The following JPH3 variants were observed in gnomAD, a reference collection of about 807,000 sequenced individuals.
JPH3 encodes junctophilin 3.
A neutral mutation model predicts 59.6 loss-of-function variants in JPH3; 11 were observed. That is an observed-to-expected ratio of 0.18 (90% CI 0.12 to 0.31). The LOEUF is 0.31. Ranked by LOEUF, JPH3 falls within the 10% of genes least tolerant of loss-of-function variation. The pLI is 1.00. For synonymous variants in JPH3, 673 were observed against 483.6 expected (o/e 1.39, Z -5.14); for missense variants, 1,202 against 1,105.7 (o/e 1.09, Z -1.24).
chr16:87,634,225 C>T (rs1351172027), intron 1 of JPH3, among the ~76,000 whole-genome samples: 1 of 152,028 alleles, frequency 6.6e-6, no homozygotes, highest in Non-Finnish European at 1.5e-5. Context: ...GGGTCTGGTC[C>T]CTGATCTGTG....
intron 2 of JPH3, among the ~76,000 whole-genome samples, chr16:87,658,771 C>G (rs2032596912): frequency 6.6e-6 from 1 of 152,234 alleles, no homozygotes; most frequent in Admixed American, 6.5e-5. Flanking sequence ...TCCAGCCACC[C>G]CTCACCTGGG....
intron 2 of JPH3, among the ~76,000 whole-genome samples, chr16:87,646,894 TG>T (rs1192130435): frequency 2.6e-5 from 4 of 152,106 alleles, no homozygotes; most frequent in Non-Finnish European, 5.9e-5. Context: ...TCTGTAGGAC[TG>T]GGGGGACCTG....
At chr16:87,674,669 CAT>C (rs1198674197) in intron 2 of JPH3, among the ~76,000 whole-genome samples, 1 of 152,214 alleles carries the variant, frequency 6.6e-6, no homozygotes, top group Admixed American at 6.5e-5. Flanking sequence ...AAGCTGGACA[CAT>C]GTGGAAGGGT....
At position 87,690,177 on chromosome 16, in the gene JPH3, A is replaced by G. The variant is rs1192355810; in HGVS notation, c.1817A>G (p.Glu606Gly). Residue 606 changes from glutamate to glycine, a missense_variant, in exon 4 of 5, where the codon GAG becomes GGG. Physicochemically the swap from Glu to Gly is moderately conservative, Grantham distance 98. Coordinates refer to ENST00000284262, the MANE Select transcript of JPH3 (RefSeq NM_020655.4). ...TCCAGGCTGCTGGAGCTGCAGGAGG[A>G]GAAGCTGAGCAACTACCGGATGGAG... is the stretch of plus-strand genomic sequence containing the variant. The part of the protein sequence containing the change: ...GGSRLLELQE[E>G]KLSNYRMEMK... The G allele has an allele frequency of 2.5e-6, 4 of 1,600,410 alleles. No homozygotes were observed. In the South Asian group the frequency reaches 4.5e-5, roughly 18 times the overall value.
intron 1 of JPH3, among the ~76,000 whole-genome samples, chr16:87,639,044 C>T (rs1291545406): frequency 6.6e-6 from 1 of 152,196 alleles, no homozygotes; most frequent in East Asian, 1.9e-4. Flanking sequence ...CTTCCGCTTC[C>T]TGGCTGTGTG....
chr16:87,618,474 C>T (rs1168490937), intron 1 of JPH3, among the ~76,000 whole-genome samples: 2 of 152,210 alleles, frequency 1.3e-5, no homozygotes, highest in Admixed American at 6.5e-5. Context: ...CCTACAGCCC[C>T]GAGAGGCCAG....
intron 2 of JPH3, chr16:87,654,452 C>T (rs2032426618): frequency 1.3e-5 from 2 of 152,258 alleles, no homozygotes; most frequent in Non-Finnish European, 2.9e-5. Context: ...AGAGGAACTT[C>T]CTAATAAAGA....
At position 87,603,248 on chromosome 16, in the gene JPH3, G is replaced by A; in HGVS notation, c.102G>A (p.Lys34=). 6.2e-7 allele frequency: 1 copy of A among 1,613,866 alleles called. No individual in the cohort carries two copies. The highest frequency in any genetic ancestry group is 2.2e-5 in the East Asian group (1 of 44,844). ...AHGHGVCTGP[K]GQGEYTGSWS... is the part of the protein sequence containing the mutation. ...GCCATGGCGTCTGCACCGGCCCCAA[G>A]GGCCAAGGCGAATACACCGGCTCGT... Residue 34 remains lysine (K), a synonymous_variant, in exon 1 of 5, where the codon AAG becomes AAA. Transcript: ENST00000284262.
intron 1 of JPH3, among the ~76,000 whole-genome samples, chr16:87,635,706 G>A (rs1224942718): frequency 6.6e-6 from 1 of 152,328 alleles, no homozygotes; most frequent in South Asian, 2.1e-4. Flanking sequence ...CGCTCTCTGC[G>A]AGTCTGTGGT....
intron 2 of JPH3, among the ~76,000 whole-genome samples, chr16:87,678,420 T>C (rs1006065369): frequency 6.6e-6 from 1 of 152,030 alleles, no homozygotes; most frequent in African/African-American, 2.4e-5. Context: ...ATACCTGTAG[T>C]CCCAGCTACT....
At chr16:87,625,606 A>T (rs12443513) in intron 1 of JPH3, among the ~76,000 whole-genome samples, 20,842 of 152,106 alleles carry the variant, frequency 0.14, 1,808 homozygotes, top group African/African-American at 0.24. Context: ...CTGTTGCCCT[A>T]TGTCTCACAG....
rs1400626071 is a variant in JPH3, at chr16:87,689,499, TC to T, written c.1286-143del. ...GGGCTTTGGGAGCCACGGTCCCCAC[TC>T]CCCTCCCTTGCCTGCAGCCTTTCGG... On this transcript the variant is annotated intron_variant, in intron 3 of 4. Coordinates refer to ENST00000284262, the MANE Select transcript of JPH3 (RefSeq NM_020655.4). The T allele has an allele frequency of 9.0e-6, 7 of 777,596 alleles. No homozygotes were observed. In the South Asian group the frequency reaches 9.1e-5, roughly 10 times the overall value. 48.2% of individuals were successfully genotyped at this position (777,596 alleles called of 1,614,324 possible). A position where few individuals can be genotyped will look rare whatever the true frequency, so the allele number is the denominator to read the frequency against.
At chr16:87,655,086 G>A (rs530125586) in intron 2 of JPH3, 22 of 152,350 alleles carry the variant, frequency 1.4e-4, no homozygotes, top group Admixed American at 3.9e-4. Context: ...AGTGTCTCGA[G>A]TGGGGCTCTG....
chr16:87,694,804 G>C (rs1363177163), intron 4 of JPH3: 1 of 193,370 alleles, frequency 5.2e-6, no homozygotes, highest in East Asian at 1.4e-4. Context: ...CCATTGAGCA[G>C]GCACTTGCTG....
intron 1 of JPH3, among the ~76,000 whole-genome samples, chr16:87,615,646 C>T (rs553346272): frequency 1.3e-5 from 2 of 152,286 alleles, no homozygotes; most frequent in South Asian, 2.1e-4. Flanking sequence ...AAACTCTGTG[C>T]GCATCTGGGT....
intron 4 of JPH3, chr16:87,694,787 C>A: frequency 5.3e-6 from 1 of 189,652 alleles, no homozygotes; most frequent in Non-Finnish European, 1.1e-5. Context: ...CACCTTAAAC[C>A]TCAGGGCCAT....
intron 1 of JPH3, among the ~76,000 whole-genome samples, chr16:87,635,966 GGGCCA>G (rs1453779256): frequency 1.3e-5 from 2 of 152,244 alleles, no homozygotes; most frequent in African/African-American, 2.4e-5. Context: ...CGGGGCCCCA[GGGCCA>G]GGGCAACTGG....
chr16:87,659,308 C>T lies in JPH3; in HGVS notation c.1160+14273C>T, dbSNP rs1393920087. The stretch of plus-strand genomic sequence containing the variant: ...ATGAGAATCACTTGAACCCAGGAGG[C>T]GGAGGTTGCACTGAGCCAAGATCAA... On this transcript the variant is annotated intron_variant, in intron 2 of 4. Coordinates refer to ENST00000284262, the MANE Select transcript of JPH3 (RefSeq NM_020655.4). 2.2e-5 allele frequency among the ~76,000 whole-genome samples: 3 copies of T among 138,818 alleles called. No homozygotes were observed. In the Admixed American group the frequency reaches 2.4e-4, roughly 11 times the overall value. The allele number at this position is 138,818 out of a possible 152,430, so 91.1% of individuals were successfully genotyped here.
intron 2 of JPH3, among the ~76,000 whole-genome samples, chr16:87,676,648 C>G (rs1366351099): frequency 1.3e-5 from 2 of 151,508 alleles, no homozygotes; most frequent in East Asian, 3.9e-4. Flanking sequence ...GCAGCAGAAT[C>G]CCTTGAACCT....
Sources: gnomAD v4.1 joint callset for allele counts (sites outside exome capture counted in the v4.1 genomes callset) on GRCh38, gnomAD v4.1.1 for gene constraint, MANE v1.5 for transcripts, NCBI Gene and HGNC (gene_info 2026-07-23, HGNC 2026-07-21) for gene names.